Variants in CD200R1 observed in about 807,000 individuals in gnomAD.
The protein encoded by CD200R1 is cell surface glycoprotein CD200 receptor 1.
CD200R1 carries 30 observed loss-of-function variants against 38.1 expected under a neutral mutation model. The ratio of observed to expected loss-of-function variants is 0.79; its 90% CI spans 0.59 to 1.07. The LOEUF is 1.07. Among genes scored for constraint, CD200R1 ranks in the 50% least tolerant of loss-of-function variants. CD200R1 has a pLI of 0.00. For missense variants in CD200R1, 372 were observed against 415.4 expected (o/e 0.90, Z 0.91); for synonymous variants, 128 against 152.1 (o/e 0.84, Z 1.16).
intron 1 of CD200R1, among the ~76,000 whole-genome samples, chr3:112,974,526 CA>C (rs1320508263): frequency 6.6e-6 from 1 of 151,520 alleles, no homozygotes; most frequent in African/African-American, 2.4e-5. Context: ...CTGCCTTGTT[CA>C]AAAAACAGGA....
At chr3:112,946,812 A>G (rs970513656) in intron 2 of CD200R1, among the ~76,000 whole-genome samples, 1 of 152,200 alleles carries the variant, frequency 6.6e-6, no homozygotes, top group African/African-American at 2.4e-5. Flanking sequence ...GAAAACTTAC[A>G]TCCATACAAA....
chr3:112,924,953 A>G, intron 6 of CD200R1, 132 bp downstream of exon 6: 1 of 667,564 alleles, frequency 1.5e-6, no homozygotes, highest in Non-Finnish European at 2.6e-6. Flanking sequence ...AGTCTATCTA[A>G]CACCTTCAAG....
chr3:112,952,710 G>A (rs570157873), intron 1 of CD200R1, among the ~76,000 whole-genome samples: 26 of 151,914 alleles, frequency 1.7e-4, no homozygotes, highest in South Asian at 6.2e-4. Context: ...TGGGTGCAGC[G>A]CACCAGTGTG....
intron 2 of CD200R1, among the ~76,000 whole-genome samples, chr3:112,939,154 T>C (rs1940657886): frequency 6.6e-6 from 1 of 151,988 alleles, no homozygotes; most frequent in Non-Finnish European, 1.5e-5. Context: ...ATAGGCCATG[T>C]AGCTAATATT....
intron 2 of CD200R1, among the ~76,000 whole-genome samples, chr3:112,944,294 T>C (rs1940792481): frequency 6.6e-6 from 1 of 152,012 alleles, no homozygotes; most frequent in Admixed American, 6.5e-5. Flanking sequence ...TTATATTCCA[T>C]GAACAACTGG....
chr3:112,937,776 TTGGGCAGTA>T (rs1266555344), intron 2 of CD200R1, among the ~76,000 whole-genome samples: 2 of 152,214 alleles, frequency 1.3e-5, no homozygotes, highest in Admixed American at 6.5e-5. Context: ...ATAAACTATT[TTGGGCAGTA>T]TGGTCATTTT....
chr3:112,956,274 C>T (rs1941096782), intron 1 of CD200R1, among the ~76,000 whole-genome samples: 2 of 151,774 alleles, frequency 1.3e-5, no homozygotes, highest in Non-Finnish European at 2.9e-5. Context: ...CTTCCTTTTG[C>T]TTGATAATTC....
At chr3:112,935,304 C>A (rs992464050) in intron 2 of CD200R1, among the ~76,000 whole-genome samples, 1 of 152,168 alleles carries the variant, frequency 6.6e-6, no homozygotes, top group African/African-American at 2.4e-5. Context: ...TTCACCAGCA[C>A]ATGGAACATT....
In CD200R1 at chr3:112,923,023, TAAAAG is replaced by T. The variant is rs1940206127; in HGVS notation, c.*649_*653del. 2 of 151,758 alleles carry T rather than the reference TAAAAG, an allele frequency of 1.3e-5. No individual in the cohort carries two copies. The highest frequency in any genetic ancestry group is 4.8e-5 in the African/African-American group (2 of 41,390). 9.4% of individuals were successfully genotyped at this position (151,758 alleles called of 1,614,324 possible). A position where few individuals can be genotyped will look rare whatever the true frequency, so the allele number is the denominator to read the frequency against. ...TATTGTTTATACCACAAACAAAACT[TAAAAG>T]AAATAAACAAAACTTAAAAGAATCT... On this transcript the variant is annotated 3_prime_UTR_variant, in exon 8 of 8. Transcript: ENST00000308611.
intron 1 of CD200R1, among the ~76,000 whole-genome samples, chr3:112,969,027 A>G (rs1225456437): frequency 6.6e-6 from 1 of 152,234 alleles, no homozygotes; most frequent in Non-Finnish European, 1.5e-5. Context: ...CTCAGACAAG[A>G]GTCTTACAGC....
intron 3 of CD200R1, among the ~76,000 whole-genome samples, 154 bp downstream of exon 3, chr3:112,930,952 G>A (rs1452855063): frequency 6.6e-6 from 1 of 152,152 alleles, no homozygotes. Context: ...ACTAGAGGTT[G>A]GGTCATTCAG....
In CD200R1 at chr3:112,921,961, T is replaced by C. The variant is rs552459392; in HGVS notation, c.*1716A>G. 6.6e-6 allele frequency: 1 copy of C among 152,034 alleles called. No individual in the cohort carries two copies. Among genetic ancestry groups the C allele is most frequent in the South Asian group, 2.1e-4 (1 of 4,834 alleles). 9.4% of individuals were successfully genotyped at this position (152,034 alleles called of 1,614,324 possible). The stretch of plus-strand genomic sequence containing the variant: ...GCTCAACCAGGGTTGGATGAAGAAT[T>C]AATAAATTTCAAGGACAGTGTAATG... On this transcript the variant is annotated 3_prime_UTR_variant, in exon 8 of 8. Transcript: ENST00000308611.
At chr3:112,954,276 C>A (rs1472418185) in intron 1 of CD200R1, among the ~76,000 whole-genome samples, 1 of 152,086 alleles carries the variant, frequency 6.6e-6, no homozygotes, top group Non-Finnish European at 1.5e-5. Flanking sequence ...AATGATATAT[C>A]CCCTCCAACC....
At chr3:112,946,032 CAAAA>C (rs1208921538) in intron 2 of CD200R1, among the ~76,000 whole-genome samples, 1 of 71,854 alleles carries the variant, frequency 1.4e-5, no homozygotes, top group Non-Finnish European at 2.6e-5. Flanking sequence ...GACTCCGTCT[CAAAA>C]AAAAAAAAAA....
Position 112,929,497 on chromosome 3 carries a change from T to C in CD200R1, c.213A>G (p.Ser71=), listed in dbSNP as rs951643660. 2.5e-6 allele frequency: 4 copies of C among 1,611,462 alleles called. No homozygotes were observed. The highest frequency in any genetic ancestry group is 3.4e-6 in the Non-Finnish European group (4 of 1,179,162). ...CATTTGTAGCCATCTTTACAGGCCA[T>C]GAAGTGTTAACTGGACATGAAAAGA... ...YSKVLAEVNT[S]WPVKMATNAV... Residue 71 remains serine, a synonymous_variant, in exon 4 of 8, where the codon TCA becomes TCG. Coordinates refer to ENST00000308611, the MANE Select transcript of CD200R1 (RefSeq NM_138806.4).
chr3:112,931,374 T>A (rs1166435141), intron 2 of CD200R1, among the ~76,000 whole-genome samples: 1 of 26,698 alleles, frequency 3.7e-5, no homozygotes, highest in African/African-American at 2.6e-4. Context: ...AAAATTATAC[T>A]TAAGTAATCA....
intron 5 of CD200R1, among the ~76,000 whole-genome samples, chr3:112,928,586 T>C (rs1940333759): frequency 6.6e-6 from 1 of 152,200 alleles, no homozygotes; most frequent in African/African-American, 2.4e-5. Context: ...ACTACTAGCA[T>C]AGAAGTGAAC....
At chr3:112,937,255 G>C (rs986284515) in intron 2 of CD200R1, among the ~76,000 whole-genome samples, 4 of 152,110 alleles carry the variant, frequency 2.6e-5, no homozygotes, top group Non-Finnish European at 4.4e-5. Context: ...CATGAGAACA[G>C]CATGAGAGTA....
chr3:112,924,724 C>T (rs1940243729), intron 6 of CD200R1, among the ~76,000 whole-genome samples, 189 bp from the exon 7 acceptor site: 1 of 151,930 alleles, frequency 6.6e-6, no homozygotes, highest in South Asian at 2.1e-4. Flanking sequence ...TAAGAATATT[C>T]CGGATTTTGA....
Sources: allele counts gnomAD v4.1 joint callset (sites outside exome capture counted in the v4.1 genomes callset), GRCh38; gene constraint gnomAD v4.1.1; transcripts MANE v1.5; gene names NCBI Gene and HGNC (gene_info 2026-07-23, HGNC 2026-07-21).